Variants in STIMATE observed in about 807,000 individuals in gnomAD.
STIMATE encodes the protein STIM activating enhancer, also known as store-operated calcium entry regulator STIMATE.
STIMATE carries 15 observed loss-of-function variants against 36.7 expected under a neutral mutation model. The ratio of observed to expected loss-of-function variants is 0.41; its 90% confidence interval spans 0.27 to 0.63. The LOEUF is 0.63. Ranked by LOEUF, STIMATE falls within the 20% of genes least tolerant of loss-of-function variation. The pLI is 0.32. For missense variants in STIMATE, 305 were observed against 397.3 expected (o/e 0.77, Z 1.98); for synonymous variants, 163 against 162.3 (o/e 1.00, Z -0.03).
At position 52,897,523 on chromosome 3, in the gene STIMATE, A is replaced by G; in HGVS notation, c.-73T>C. 8.4e-7 allele frequency: 1 copy of G among 1,185,562 alleles called. No homozygotes were observed. The highest frequency in any genetic ancestry group is 1.0e-6 in the Non-Finnish European group (1 of 959,220). The allele number at this position is 1,185,562 out of a possible 1,614,324, so 73.4% of individuals were successfully genotyped here. A position where few individuals can be genotyped will look rare whatever the true frequency, so the allele number is the denominator to read the frequency against. ...CGCTGCCTGCCGGCGCAGCGCCGCC[A>G]AACCCGCAGCCGGGATCCCAAGCCT... is the stretch of plus-strand genomic sequence containing the variant. On this transcript the variant is annotated 5_prime_UTR_variant, in exon 1 of 8. Coordinates refer to ENST00000355083, the MANE Select transcript of STIMATE (RefSeq NM_198563.5).
At chr3:52,884,537 C>T (rs897108753) in intron 1 of STIMATE, among the ~76,000 whole-genome samples, 2 of 152,328 alleles carry the variant, frequency 1.3e-5, no homozygotes, top group East Asian at 1.9e-4. Context: ...TGACCTACCG[C>T]GCCCGCCCAA....
chr3:52,883,527 C>T (rs1199303701), intron 1 of STIMATE, among the ~76,000 whole-genome samples: 41 of 152,170 alleles, frequency 2.7e-4, no homozygotes, highest in Admixed American at 2.7e-3. Flanking sequence ...TTTCTTCTAA[C>T]ATTTTTCTGC....
chr3:52,847,544 C>T, intron 4 of STIMATE: 2 of 1,289,744 alleles, frequency 1.6e-6, no homozygotes, highest in East Asian at 5.6e-5. Flanking sequence ...AACTCTTGGC[C>T]TTCTCTTCTA....
intron 1 of STIMATE, among the ~76,000 whole-genome samples, chr3:52,873,207 G>T (rs1433767207): frequency 6.6e-6 from 1 of 152,202 alleles, no homozygotes; most frequent in Non-Finnish European, 1.5e-5. Context: ...CAGGAGCAGG[G>T]CTGTGGTGTC....
chr3:52,866,238 C>T (rs186453529), intron 1 of STIMATE, among the ~76,000 whole-genome samples: 54 of 152,376 alleles, frequency 3.5e-4, no homozygotes, highest in Admixed American at 4.6e-4. Flanking sequence ...CACATTCTTG[C>T]CAGCATGGTG....
intron 1 of STIMATE, among the ~76,000 whole-genome samples, chr3:52,894,078 C>G (rs191859567): frequency 2.0e-5 from 3 of 151,890 alleles, no homozygotes; most frequent in African/African-American, 7.2e-5. Context: ...ACCACCAAAA[C>G]GAGGAATTGC....
At chr3:52,890,948 C>T (rs897059219) in intron 1 of STIMATE, among the ~76,000 whole-genome samples, 1 of 152,088 alleles carries the variant, frequency 6.6e-6, no homozygotes, top group Non-Finnish European at 1.5e-5. Flanking sequence ...TCTGCCCAGG[C>T]AAGGAAAATC....
chr3:52,842,681 C>T (rs990614970), intron 7 of STIMATE, 130 bp downstream of exon 7: 13 of 1,524,384 alleles, frequency 8.5e-6, no homozygotes, highest in Middle Eastern at 2.5e-4. Context: ...GGCTCAGCCT[C>T]TTCTCCTGCC....
At chr3:52,872,694 C>T (rs149338832) in intron 1 of STIMATE, among the ~76,000 whole-genome samples, 2,259 of 152,318 alleles carry the variant, frequency 0.015, 50 homozygotes, top group African/African-American at 0.051. Flanking sequence ...GGCACAATCT[C>T]GGCTCATTGC....
At chr3:52,851,057 C>T (rs1700989011) in intron 3 of STIMATE, among the ~76,000 whole-genome samples, 1 of 152,214 alleles carries the variant, frequency 6.6e-6, no homozygotes, top group Admixed American at 6.5e-5. Flanking sequence ...CTTTACTCCC[C>T]ATGGGAAAAG....
chr3:52,894,193 G>C (rs1701827946), intron 1 of STIMATE, among the ~76,000 whole-genome samples: 1 of 152,206 alleles, frequency 6.6e-6, no homozygotes, highest in Non-Finnish European at 1.5e-5. Context: ...TAAGTGGAAA[G>C]TATCTTCATA....
chr3:52,855,545 C>T (rs1701078120), intron 1 of STIMATE, 101 bp from the exon 2 acceptor site: 1 of 1,493,978 alleles, frequency 6.7e-7, no homozygotes, highest in Non-Finnish European at 9.2e-7. Flanking sequence ...TGTGTATAAC[C>T]AAGGTAATAC....
At chr3:52,881,813 A>G (rs1701610576) in intron 1 of STIMATE, among the ~76,000 whole-genome samples, 1 of 152,244 alleles carries the variant, frequency 6.6e-6, no homozygotes, top group Admixed American at 6.5e-5. Flanking sequence ...CAATAGATAA[A>G]TATACCTGAA....
At chr3:52,876,394 C>G (rs1266545254) in intron 1 of STIMATE, among the ~76,000 whole-genome samples, 2 of 152,216 alleles carry the variant, frequency 1.3e-5, no homozygotes, top group Non-Finnish European at 2.9e-5. Context: ...ATGTGCAACC[C>G]AGACAGCATT....
chr3:52,861,602 G>A (rs1163214149), intron 1 of STIMATE, among the ~76,000 whole-genome samples: 2 of 152,216 alleles, frequency 1.3e-5, no homozygotes, highest in Non-Finnish European at 2.9e-5. Flanking sequence ...AGGATTAAAT[G>A]AGAAGACAGA....
intron 1 of STIMATE, among the ~76,000 whole-genome samples, chr3:52,884,390 C>T (rs796651150): frequency 1.3e-4 from 20 of 152,092 alleles, no homozygotes; most frequent in African/African-American, 3.6e-4. Context: ...GGACAACAGG[C>T]GCCCGCCACC....
At chr3:52,847,795 G>T (rs1033122122) in intron 4 of STIMATE, among the ~76,000 whole-genome samples, 1 of 152,192 alleles carries the variant, frequency 6.6e-6, no homozygotes, top group Non-Finnish European at 1.5e-5. Context: ...TTTAAGACAG[G>T]GAGAGTGTTC....
intron 7 of STIMATE, among the ~76,000 whole-genome samples, chr3:52,842,245 G>A (rs1290857590): frequency 6.6e-6 from 1 of 152,188 alleles, no homozygotes; most frequent in Non-Finnish European, 1.5e-5. Flanking sequence ...AGTGCTGCGG[G>A]GCCGCCAGAA....
intron 1 of STIMATE, among the ~76,000 whole-genome samples, chr3:52,862,588 A>G (rs1701236213): frequency 6.6e-6 from 1 of 152,248 alleles, no homozygotes; most frequent in Non-Finnish European, 1.5e-5. Flanking sequence ...TTATTTTAGT[A>G]GTGTTGTATG....
Sources: allele counts gnomAD v4.1 joint callset (sites outside exome capture counted in the v4.1 genomes callset), GRCh38; gene constraint gnomAD v4.1.1; transcripts MANE v1.5; gene names NCBI Gene and HGNC (gene_info 2026-07-23, HGNC 2026-07-21).